PHF20: variants seen among roughly 807,000 people sequenced by gnomAD.
PHF20 encodes the protein glioma-expressed antigen 2.
PHF20 carries 23 observed loss-of-function variants against 113.5 expected under a neutral mutation model. The ratio of observed to expected loss-of-function variants is 0.20; its 90% CI spans 0.15 to 0.29. PHF20 has a LOEUF of 0.29. Ranked by LOEUF, PHF20 falls within the 10% of genes least tolerant of loss-of-function variation. The probability of loss-of-function intolerance (pLI) is 1.00; values close to 1 mark genes in which losing one functional copy is unlikely to be tolerated. For missense variants in PHF20, 943 were observed against 1,219.6 expected, an observed-to-expected ratio of 0.77 and a Z score of 3.38; for synonymous variants, 434 against 457.3, an observed-to-expected ratio of 0.95 and a Z score of 0.65.
intron 15 of PHF20, 143 bp downstream of exon 15, chr20:35,931,587 G>A (rs1328110771): frequency 7.0e-6 from 4 of 573,542 alleles, no homozygotes; most frequent in Non-Finnish European, 1.2e-5. Flanking sequence ...TCAGTTTCAG[G>A]ATAAACATTC....
At chr20:35,791,196 A>G (rs538052321) in intron 1 of PHF20, among the ~76,000 whole-genome samples, 8 of 151,898 alleles carry the variant, frequency 5.3e-5, no homozygotes, top group African/African-American at 1.7e-4. Flanking sequence ...TCATACTTAC[A>G]TTTTAGAAAT....
At chr20:35,866,111 G>C (rs578134135) in intron 6 of PHF20, among the ~76,000 whole-genome samples, 19 of 152,250 alleles carry the variant, frequency 1.2e-4, no homozygotes, top group African/African-American at 4.6e-4. Flanking sequence ...TTGGGAGGCT[G>C]AGGCAGGAGA....
chr20:35,782,800 C>T (rs1185124479), intron 1 of PHF20, among the ~76,000 whole-genome samples: 1 of 152,188 alleles, frequency 6.6e-6, no homozygotes, highest in African/African-American at 2.4e-5. Context: ...GAGCCTGTTT[C>T]CTCACCCAAG....
intron 6 of PHF20, among the ~76,000 whole-genome samples, chr20:35,865,643 C>T (rs571325884): frequency 2.0e-4 from 31 of 151,650 alleles, no homozygotes; most frequent in Non-Finnish European, 3.2e-4. Context: ...GCTGGGACTA[C>T]AGGCACATGC....
intron 13 of PHF20, among the ~76,000 whole-genome samples, chr20:35,918,152 G>A (rs950990346): frequency 7.9e-5 from 12 of 151,988 alleles, no homozygotes; most frequent in Non-Finnish European, 1.6e-4. Flanking sequence ...CCTGTGGTGG[G>A]TGGGACCTCC....
In PHF20 at chr20:35,899,561, A is replaced by G; in HGVS notation, c.1474A>G (p.Arg492Gly). 6.2e-7 allele frequency: 1 copy of G among 1,614,102 alleles called. No homozygotes were observed. Reference protein sequence around the residue: ...SLEPEESPGKRHVQTRGPSAS... With the variant: ...SLEPEESPGKGHVQTRGPSAS... ...GGAGCCAGAAGAGAGCCCGGGAAAG[A>G]GGCATGTCCAAACCAGGGGCCCTTC... The change falls in exon 10 of 18, where the codon AGG (arginine) becomes GGG (glycine). Residue 492 changes from arginine to glycine, a missense_variant. Arg to Gly is a moderately radical substitution (Grantham distance 125). Transcript: ENST00000374012.
intron 9 of PHF20, among the ~76,000 whole-genome samples, chr20:35,882,199 A>T (rs2054648070): frequency 6.6e-6 from 1 of 152,248 alleles, no homozygotes; most frequent in Non-Finnish European, 1.5e-5. Context: ...GTTTGGCCAG[A>T]CAGTGTACCC....
Position 35,947,769 on chromosome 20 carries a change from C to A in PHF20, c.*142C>A. 1 of 883,362 alleles carries A rather than the reference C, an allele frequency of 1.1e-6. No homozygotes were observed. Among genetic ancestry groups the A allele is most frequent in the Non-Finnish European group, 1.7e-6 (1 of 592,720 alleles). The allele number at this position is 883,362 out of a possible 1,614,324, so 54.7% of individuals were successfully genotyped here. ...GGATCTGGGCCAGGAGTGTGGTGGACATTGGACAAAGAGGCCATTTTGGCT... is the reference window on the plus strand; with the variant it reads ...GGATCTGGGCCAGGAGTGTGGTGGAAATTGGACAAAGAGGCCATTTTGGCT... On this transcript the variant is annotated 3_prime_UTR_variant, in exon 18 of 18. Transcript: ENST00000374012.
chr20:35,936,097 T>C (rs2055859151), intron 15 of PHF20, among the ~76,000 whole-genome samples: 1 of 151,898 alleles, frequency 6.6e-6, no homozygotes, highest in Non-Finnish European at 1.5e-5. Context: ...AGGATGAAAA[T>C]TGTAGGTGGG....
chr20:35,850,482 T>C (rs2042705532), intron 4 of PHF20, among the ~76,000 whole-genome samples: 1 of 147,728 alleles, frequency 6.8e-6, no homozygotes, highest in Admixed American at 6.8e-5. Context: ...GGCTAATTTA[T>C]ATATATATAT....
At chr20:35,823,654 AG>A (rs1568613668) in intron 2 of PHF20, among the ~76,000 whole-genome samples, 10 of 145,646 alleles carry the variant, frequency 6.9e-5, no homozygotes, top group African/African-American at 2.5e-4. Flanking sequence ...AAAAAAAAAA[AG>A]GGGTGAAGAA....
intron 2 of PHF20, 107 bp from the exon 3 acceptor site, chr20:35,842,466 C>T: frequency 1.0e-6 from 1 of 982,782 alleles, no homozygotes. Flanking sequence ...AACGGTAGGC[C>T]TGGTAACCTT....
chr20:35,884,856 A>G (rs2054697731), intron 9 of PHF20, among the ~76,000 whole-genome samples: 1 of 151,986 alleles, frequency 6.6e-6, no homozygotes, highest in Non-Finnish European at 1.5e-5. Flanking sequence ...TTTGAGATGG[A>G]TTCTCACTCT....
chr20:35,943,523 A>G (rs1225748563), intron 17 of PHF20, among the ~76,000 whole-genome samples: 2 of 150,886 alleles, frequency 1.3e-5, no homozygotes, highest in African/African-American at 4.9e-5. Context: ...AAGCCTAGTA[A>G]GCTATTATAT....
chr20:35,818,563 A>C (rs2042114893), intron 2 of PHF20, among the ~76,000 whole-genome samples: 1 of 152,002 alleles, frequency 6.6e-6, no homozygotes, highest in Non-Finnish European at 1.5e-5. Flanking sequence ...TTTTTGAGAC[A>C]GAGTTTTGCT....
At chr20:35,941,476 C>T (rs774480500) in intron 17 of PHF20, among the ~76,000 whole-genome samples, 9 of 152,136 alleles carry the variant, frequency 5.9e-5, no homozygotes, top group East Asian at 1.9e-4. Flanking sequence ...GCTTTCTCCT[C>T]GTAAGCCAGT....
chr20:35,781,800 C>T (rs897677908), intron 1 of PHF20, among the ~76,000 whole-genome samples: 4 of 152,162 alleles, frequency 2.6e-5, no homozygotes, highest in Non-Finnish European at 5.9e-5. Context: ...CAAAAATTAG[C>T]TGGGCGTGGT....
intron 13 of PHF20, among the ~76,000 whole-genome samples, chr20:35,919,529 G>A (rs1327535445): frequency 3.3e-5 from 5 of 151,922 alleles, no homozygotes; most frequent in South Asian, 4.1e-4. Flanking sequence ...TAGTAGAGAC[G>A]GTGTTTCACC....
intron 2 of PHF20, among the ~76,000 whole-genome samples, chr20:35,803,251 C>T (rs1462954992): frequency 1.6e-4 from 22 of 135,904 alleles, no homozygotes; most frequent in Non-Finnish European, 3.1e-4. Context: ...GACTCCGTCC[C>T]GGAAAAAAAA....
Sources: gnomAD v4.1 joint callset for allele counts (sites outside exome capture counted in the v4.1 genomes callset) on GRCh38, gnomAD v4.1.1 for gene constraint, MANE v1.5 for transcripts, NCBI Gene and HGNC (gene_info 2026-07-23, HGNC 2026-07-21) for gene names.